Variants in CCDC88C observed in about 807,000 individuals in gnomAD.
The protein encoded by CCDC88C is protein Daple.
CCDC88C carries 131 observed loss-of-function variants against 198.8 expected under a neutral mutation model. The observed-to-expected ratio is 0.66, with a 90% CI of 0.57 to 0.76. CCDC88C has a LOEUF of 0.76. CCDC88C is among the 30% of genes least tolerant of loss of function. CCDC88C has a pLI of 0.00. For missense variants in CCDC88C, 2,553 were observed against 2,631.6 expected (o/e 0.97, Z 0.65); for synonymous variants, 1,166 against 1,114.7 (o/e 1.05, Z -0.92).
At chr14:91,277,559 T>C (rs1890016484) in intron 29 of CCDC88C, among the ~76,000 whole-genome samples, 1 of 152,168 alleles carries the variant, frequency 6.6e-6, no homozygotes, top group Admixed American at 6.5e-5. Context: ...TTCAAGGTCC[T>C]TGAAAGTTTG....
At chr14:91,416,878 C>T (rs1410050124) in intron 1 of CCDC88C, 40 bp from the exon 2 acceptor site, 1 of 1,447,764 alleles carries the variant, frequency 6.9e-7, no homozygotes, top group Non-Finnish European at 9.6e-7. Context: ...CAGGAAGTCA[C>T]CCCGTGCGCA....
intron 23 of CCDC88C, among the ~76,000 whole-genome samples, chr14:91,292,701 C>T (rs943252781): frequency 3.3e-5 from 5 of 152,044 alleles, no homozygotes; most frequent in Non-Finnish European, 7.4e-5. Context: ...AATGCCTGCC[C>T]GGACGCCAAT....
At chr14:91,373,673 T>C (rs1285820) in intron 3 of CCDC88C, among the ~76,000 whole-genome samples, 69,315 of 152,052 alleles carry the variant, frequency 0.46, 18,333 homozygotes, top group African/African-American at 0.74. Context: ...GGGGAGGGCA[T>C]ATCGGGACAC....
chr14:91,338,445 G>A lies in CCDC88C; in HGVS notation c.891+44C>T. The A allele has an allele frequency of 6.6e-7, 1 of 1,506,930 alleles. No homozygotes were observed. Among genetic ancestry groups the A allele is most frequent in the Non-Finnish European group, 9.0e-7 (1 of 1,106,390 alleles). 93.3% of individuals were successfully genotyped at this position (1,506,930 alleles called of 1,614,324 possible). A position where few individuals can be genotyped will look rare whatever the true frequency, so the allele number is the denominator to read the frequency against. On this transcript the variant is annotated intron_variant, in intron 9 of 29. Coordinates refer to ENST00000389857, the MANE Select transcript of CCDC88C (RefSeq NM_001080414.4). This position sits in a 1 kb window ranked among gnomAD's most constrained non-coding sequence, Gnocchi z 4.8. Reference sequence around the variant, plus strand: ...CCAGGCCCCGTTACTGGACACTCCAGCCCTGCTACCCCCAGGACACACAGG... The same window carrying A: ...CCAGGCCCCGTTACTGGACACTCCAACCCTGCTACCCCCAGGACACACAGG...
chr14:91,393,326 GC>G (rs1299937303), intron 3 of CCDC88C, among the ~76,000 whole-genome samples: 1 of 152,074 alleles, frequency 6.6e-6, no homozygotes, highest in African/African-American at 2.4e-5. Context: ...TAGGATGGGA[GC>G]CCCCCCACCC....
At chr14:91,366,666 A>G (rs946953436) in intron 3 of CCDC88C, among the ~76,000 whole-genome samples, 2 of 152,236 alleles carry the variant, frequency 1.3e-5, no homozygotes, top group African/African-American at 4.8e-5. Context: ...ACCTTCAAGC[A>G]TCTTCTCATC....
At chr14:91,286,575 G>T (rs1718854090) in intron 25 of CCDC88C, among the ~76,000 whole-genome samples, 1 of 152,150 alleles carries the variant, frequency 6.6e-6, no homozygotes, top group South Asian at 2.1e-4. Context: ...ACCAATTTCT[G>T]ATGTAGGATT....
intron 3 of CCDC88C, among the ~76,000 whole-genome samples, chr14:91,389,849 G>A (rs1205955539): frequency 6.6e-6 from 1 of 152,024 alleles, no homozygotes; most frequent in African/African-American, 2.4e-5. Context: ...GAGGCGGGCG[G>A]ATCACAAGGT....
At chr14:91,405,285 G>A (rs1268311413) in intron 3 of CCDC88C, among the ~76,000 whole-genome samples, 1 of 152,178 alleles carries the variant, frequency 6.6e-6, no homozygotes, top group African/African-American at 2.4e-5. Context: ...GGGGCACAGA[G>A]CCATCTCCTG....
Position 91,289,348 on chromosome 14 carries a change from TTAGAAG to T in CCDC88C, c.4203-11_4203-6del, listed in dbSNP as rs1221649310. On this transcript the variant is annotated splice_polypyrimidine_tract_variant and splice_region_variant and intron_variant, in intron 24 of 29. Transcript: ENST00000389857. ...GCTCCAATCCAGTGGTTCTTCCTGG[TTAGAAG>T]TAGATGTTTAGGACATAGCCAGCCC... 5.0e-6 allele frequency: 8 copies of T among 1,612,704 alleles called. No individual in the cohort carries two copies. Among genetic ancestry groups the T allele is most frequent in the South Asian group, 1.1e-5 (1 of 91,054 alleles).
intron 5 of CCDC88C, among the ~76,000 whole-genome samples, chr14:91,342,905 G>A (rs1251593437): frequency 1.3e-5 from 2 of 152,218 alleles, no homozygotes; most frequent in Non-Finnish European, 2.9e-5. Context: ...CTCTGTCGCT[G>A]TAGTGGCAAA....
Position 91,417,642 on chromosome 14 carries a change from GC to G in CCDC88C, c.48del (p.Leu17TrpfsTer2). The G allele has an allele frequency of 6.3e-7, 1 of 1,591,490 alleles. No homozygotes were observed. Among genetic ancestry groups the G allele is most frequent in the East Asian group, 2.3e-5 (1 of 42,612 alleles). ...SELLELFLQS[P>X]LVTWVKTFGP... ...CCAGGCGCACTCACCCAGGTCACCAGCGGGCTCTGCAGGAAGAGCTCCAGGA... is the reference window on the plus strand; with the variant it reads ...CCAGGCGCACTCACCCAGGTCACCAGGGGCTCTGCAGGAAGAGCTCCAGGA... On this transcript the variant is annotated frameshift_variant, in exon 1 of 30. Coordinates refer to ENST00000389857, the MANE Select transcript of CCDC88C (RefSeq NM_001080414.4). LOFTEE classifies it high-confidence loss of function.
intron 22 of CCDC88C, among the ~76,000 whole-genome samples, chr14:91,295,072 A>G (rs1288621056): frequency 2.0e-5 from 3 of 152,212 alleles, no homozygotes; most frequent in Non-Finnish European, 4.4e-5. Flanking sequence ...GGGCCACCGT[A>G]AGGACTGAGT....
chr14:91,328,743 C>T (rs1330036158), intron 10 of CCDC88C, among the ~76,000 whole-genome samples: 2 of 152,190 alleles, frequency 1.3e-5, no homozygotes, highest in African/African-American at 4.8e-5. Flanking sequence ...TCGGATGATG[C>T]GTGTGAAATA....
intron 23 of CCDC88C, among the ~76,000 whole-genome samples, chr14:91,292,443 C>T (rs145579806): frequency 2.1e-3 from 319 of 152,296 alleles, no homozygotes; most frequent in African/African-American, 7.3e-3. Context: ...ATTTTATCAC[C>T]GGGATTATAG....
At chr14:91,334,259 TGA>T (rs1380471514) in intron 10 of CCDC88C, among the ~76,000 whole-genome samples, 2 of 152,246 alleles carry the variant, frequency 1.3e-5, no homozygotes, top group African/African-American at 4.8e-5. Flanking sequence ...CATTTCTTTT[TGA>T]GAGAGGGTCT....
chr14:91,348,731 T>C (rs1893657706), intron 4 of CCDC88C, among the ~76,000 whole-genome samples: 1 of 152,106 alleles, frequency 6.6e-6, no homozygotes, highest in Non-Finnish European at 1.5e-5. Context: ...GCTTTAAAGG[T>C]AGAGAATTAA....
At chr14:91,315,413 G>A (rs1048551325) in intron 14 of CCDC88C, among the ~76,000 whole-genome samples, 1 of 151,958 alleles carries the variant, frequency 6.6e-6, no homozygotes, top group Non-Finnish European at 1.5e-5. Context: ...TCTTCCCCGG[G>A]GTCACGACAA....
Position 91,272,934 on chromosome 14 carries a change from G to T in CCDC88C, c.5778C>A (p.Leu1926=). ...GGGCTGCAGCAGGTGAGAAGTGCAG[G>T]AGCTGGGAGTTGCTGCCACTGCCAG... ...AAAGSGSNSQ[L]LHFSPAAAPA... The change falls in exon 30 of 30, where the codon CTC becomes CTA. Residue 1926 remains leucine, a synonymous_variant. Coordinates refer to ENST00000389857, the MANE Select transcript of CCDC88C (RefSeq NM_001080414.4). The T allele has an allele frequency of 6.4e-7, 1 of 1,567,390 alleles. No individual in the cohort carries two copies. Among genetic ancestry groups the T allele is most frequent in the African/African-American group, 1.3e-5 (1 of 74,232 alleles).
Sources: allele counts gnomAD v4.1 joint callset (sites outside exome capture counted in the v4.1 genomes callset), GRCh38; gene constraint gnomAD v4.1.1; non-coding constraint Gnocchi (gnomAD v3.1); transcripts MANE v1.5; gene names NCBI Gene and HGNC (gene_info 2026-07-23, HGNC 2026-07-21).